MRPL3: variants seen among roughly 807,000 people sequenced by gnomAD.
MRPL3 encodes large ribosomal subunit protein uL3m.
A neutral mutation model predicts 44.3 loss-of-function variants in MRPL3; 43 were observed. The observed-to-expected ratio is 0.97, with a 90% CI of 0.76 to 1.25. The LOEUF (loss-of-function observed/expected upper bound fraction) is 1.25. MRPL3 is among the 50% of genes most tolerant of loss of function. MRPL3 has a pLI of 0.00. For missense variants in MRPL3, 406 were observed against 427.6 expected (o/e 0.95, Z 0.45); for synonymous variants, 171 against 152.3 (o/e 1.12, Z -0.91).
intron 4 of MRPL3, among the ~76,000 whole-genome samples, chr3:131,496,579 C>G (rs1361441044): frequency 6.6e-6 from 1 of 152,120 alleles, no homozygotes; most frequent in Non-Finnish European, 1.5e-5. Context: ...CCAAAGCTTC[C>G]CTTTTCCTTG....
chr3:131,487,724 A>G lies in MRPL3; in HGVS notation c.585T>C (p.Ala195=). 6.2e-7 allele frequency: 1 copy of G among 1,610,890 alleles called. No homozygotes were observed. Among genetic ancestry groups the G allele is most frequent in the Non-Finnish European group, 8.5e-7 (1 of 1,179,242 alleles). The change falls in exon 6 of 10, where the codon GCT becomes GCC. Residue 195 remains alanine (A), a synonymous_variant. Transcript: ENST00000264995. The stretch of plus-strand genomic sequence containing the variant: ...CATACTGTCCTGGACGAAAGTGAGC[A>G]GCATAAAGAGGAGTGCCTTTATGAA... The part of the protein sequence containing the change: ...AAIKPGTPLY[A]AHFRPGQYVD...
intron 6 of MRPL3, among the ~76,000 whole-genome samples, chr3:131,486,549 T>A (rs909983290): frequency 6.6e-6 from 1 of 151,972 alleles, no homozygotes; most frequent in African/African-American, 2.4e-5. Context: ...TGGAAAATTT[T>A]TGTAATCTAC....
chr3:131,476,258 A>C (rs757409659), intron 6 of MRPL3, among the ~76,000 whole-genome samples: 2 of 152,214 alleles, frequency 1.3e-5, no homozygotes, highest in Non-Finnish European at 2.9e-5. Flanking sequence ...CAAAAGAACA[A>C]AACACAAATA....
At chr3:131,488,738 T>C (rs1211923170) in intron 5 of MRPL3, 1 of 151,978 alleles carries the variant, frequency 6.6e-6, no homozygotes, top group Non-Finnish European at 1.5e-5. Flanking sequence ...TGCTGTAAGA[T>C]TGCAGGGGGG....
intron 7 of MRPL3, among the ~76,000 whole-genome samples, chr3:131,470,336 T>C (rs1381870905): frequency 1.3e-5 from 2 of 152,292 alleles, no homozygotes; most frequent in East Asian, 3.9e-4. Flanking sequence ...TAACGGGTAA[T>C]AGTTCTACAT....
intron 9 of MRPL3, among the ~76,000 whole-genome samples, chr3:131,464,717 C>T (rs1933563204): frequency 6.6e-6 from 1 of 152,098 alleles, no homozygotes. Context: ...TTTAGTGAAT[C>T]CAAACAGCAA....
chr3:131,490,034 G>C lies in MRPL3; in HGVS notation c.515C>G (p.Pro172Arg), dbSNP rs148638602. Residue 172 changes from proline (P) to arginine (R), a missense_variant, in exon 5 of 10, where the codon CCG becomes CGG. Transcript: ENST00000264995. Reference sequence around the variant, plus strand: ...ATTAAAGATTTTAACTGTCTGTTTCGGCGGCAATCCAAGTTCCCGGTAAAA... The same window carrying C: ...ATTAAAGATTTTAACTGTCTGTTTCCGCGGCAATCCAAGTTCCCGGTAAAA... ...LEFYRELGLP[P>R]KQTVKIFNIT... 1 of 1,611,784 alleles carries C rather than the reference G, an allele frequency of 6.2e-7. No individual in the cohort carries two copies. The highest frequency in any genetic ancestry group is 8.5e-7 in the Non-Finnish European group (1 of 1,178,458).
chr3:131,475,070 C>A (rs1244355198), intron 6 of MRPL3, among the ~76,000 whole-genome samples: 2 of 152,106 alleles, frequency 1.3e-5, no homozygotes, highest in African/African-American at 2.4e-5. Context: ...GTGTGAGCCA[C>A]CATGCCAGGC....
intron 9 of MRPL3, among the ~76,000 whole-genome samples, chr3:131,465,289 T>G (rs969734869): frequency 1.3e-5 from 2 of 152,098 alleles, no homozygotes; most frequent in South Asian, 2.1e-4. Context: ...CGATTGAGAG[T>G]GAATAGAGTT....
rs1394490291 is a variant in MRPL3 at position 131,490,040 on chromosome 3, A to T, written c.509T>A (p.Leu170Ter). Residue 170 changes from leucine to a stop codon, truncating the protein, a stop_gained, in exon 5 of 10, where the codon TTG (leucine) becomes TAG (stop). Coordinates refer to ENST00000264995, the MANE Select transcript of MRPL3 (RefSeq NM_007208.4). LOFTEE classifies it high-confidence loss of function. ...GATTTTAACTGTCTGTTTCGGCGGC[A>T]ATCCAAGTTCCCGGTAAAATTCCAA... Reference protein sequence around the residue: ...SILEFYRELGLPPKQTVKIFN... With the variant: ...SILEFYRELG The T allele has an allele frequency of 8.1e-6, 13 of 1,611,916 alleles. No homozygotes were observed. The Admixed American group carries it at 1.8e-4, about 23-fold the overall frequency.
chr3:131,501,876 C>T, intron 1 of MRPL3, 161 bp from the exon 2 acceptor site: 1 of 1,541,978 alleles, frequency 6.5e-7, no homozygotes, highest in Non-Finnish European at 8.7e-7. Flanking sequence ...TTTCCTCACT[C>T]CCCACATTCC....
At chr3:131,487,824 G>C in intron 5 of MRPL3, 84 bp from the exon 6 acceptor site, 4 of 1,049,068 alleles carry the variant, frequency 3.8e-6, no homozygotes, top group South Asian at 2.9e-5. Context: ...ATCCAGGAAG[G>C]CTTCTAGCTG....
In MRPL3 at chr3:131,499,354, T is replaced by C. The variant is rs539934250; in HGVS notation, c.369+1076A>G. On this transcript the variant is annotated intron_variant, in intron 3 of 9. Transcript: ENST00000264995. ...TTAAGTGTGATGCTGCTGCTCAAGTTTTCTAGTAATACTTGGAAGTGGAAT... is the reference window on the plus strand; with the variant it reads ...TTAAGTGTGATGCTGCTGCTCAAGTCTTCTAGTAATACTTGGAAGTGGAAT... 9.8e-5 allele frequency among the ~76,000 whole-genome samples: 15 copies of C among 152,320 alleles called. No homozygotes were observed. The South Asian group carries it at 3.1e-3, about 32-fold the overall frequency.
intron 4 of MRPL3, among the ~76,000 whole-genome samples, chr3:131,497,785 A>G (rs1934401514): frequency 6.6e-6 from 1 of 152,230 alleles, no homozygotes; most frequent in Non-Finnish European, 1.5e-5. Flanking sequence ...TTTCCATAGG[A>G]AGAAAGTGAA....
intron 3 of MRPL3, among the ~76,000 whole-genome samples, chr3:131,499,409 T>A: frequency 6.6e-6 from 1 of 152,186 alleles, no homozygotes; most frequent in East Asian, 1.9e-4. Context: ...TCGTCTTAAT[T>A]TTGCCACATA....
At chr3:131,499,010 G>A (rs1324150576) in intron 3 of MRPL3, among the ~76,000 whole-genome samples, 1 of 152,134 alleles carries the variant, frequency 6.6e-6, no homozygotes, top group Admixed American at 6.5e-5. Flanking sequence ...GTGATTCTGA[G>A]GTTCACTAAA....
chr3:131,489,426 G>A (rs1019271413), intron 5 of MRPL3, among the ~76,000 whole-genome samples: 1 of 152,076 alleles, frequency 6.6e-6, no homozygotes, highest in Non-Finnish European at 1.5e-5. Flanking sequence ...CTTCTTGTCA[G>A]AACTCAAGTT....
At chr3:131,474,454 A>G (rs934139357) in intron 6 of MRPL3, among the ~76,000 whole-genome samples, 4 of 152,134 alleles carry the variant, frequency 2.6e-5, no homozygotes, top group African/African-American at 9.7e-5. Context: ...GATAGAAGGA[A>G]TAAGTTCTGG....
intron 4 of MRPL3, 69 bp from the exon 5 acceptor site, chr3:131,490,149 T>A: frequency 9.3e-7 from 1 of 1,071,948 alleles, no homozygotes; most frequent in Non-Finnish European, 1.4e-6. Flanking sequence ...CATGGAGATC[T>A]AAACCAAGTT....
Sources: allele counts gnomAD v4.1 joint callset (sites outside exome capture counted in the v4.1 genomes callset), GRCh38; gene constraint gnomAD v4.1.1; transcripts MANE v1.5; gene names NCBI Gene and HGNC (gene_info 2026-07-23, HGNC 2026-07-21).